Variants in RBM26 observed in about 807,000 individuals in gnomAD.
The protein encoded by RBM26 is RNA-binding protein 26.
RBM26 carries 30 observed loss-of-function variants against 123.6 expected under a neutral mutation model. That is an observed-to-expected ratio of 0.24 (90% CI 0.18 to 0.33). The LOEUF (loss-of-function observed/expected upper bound fraction) is 0.33. Among genes scored for constraint, RBM26 ranks in the 10% least tolerant of loss-of-function variants. The pLI is 1.00. For synonymous variants in RBM26, 400 were observed against 404.4 expected (o/e 0.99, Z 0.13); for missense variants, 947 against 1,203.6 (o/e 0.79, Z 3.15).
intron 5 of RBM26, among the ~76,000 whole-genome samples, chr13:79,369,653 G>T (rs1476149828): frequency 1.3e-5 from 2 of 152,156 alleles, no homozygotes; most frequent in African/African-American, 4.8e-5. Context: ...GTGCTTTACT[G>T]AAAAGTGTTT....
intron 8 of RBM26, 126 bp downstream of exon 8, chr13:79,365,925 GTTCA>G (rs1348528289): frequency 1.0e-6 from 1 of 998,286 alleles, no homozygotes; most frequent in African/African-American, 1.6e-5. Flanking sequence ...CTTATTTAAT[GTTCA>G]TTCACCACGG....
chr13:79,390,991 C>T (rs1364582346), intron 1 of RBM26, among the ~76,000 whole-genome samples: 1 of 151,992 alleles, frequency 6.6e-6, no homozygotes, highest in Admixed American at 6.6e-5. Flanking sequence ...ATCTCAAATC[C>T]CTGGGAAAAC....
rs746490831 is a variant in RBM26, at chr13:79,365,548, A to C, written c.1417+30T>G. On this transcript the variant is annotated intron_variant, in intron 9 of 21. Coordinates refer to ENST00000438737, the MANE Select transcript of RBM26 (RefSeq NM_001366735.2). Reference sequence around the variant, plus strand: ...TTTTCCCACTGTTTATATTATGAAAATGACAGGAAGGAAAGATTAATTATA... The same window carrying C: ...TTTTCCCACTGTTTATATTATGAAACTGACAGGAAGGAAAGATTAATTATA... 2.5e-6 allele frequency: 4 copies of C among 1,572,824 alleles called. No individual in the cohort carries two copies. The East Asian group carries it at 9.0e-5, about 35-fold the overall frequency.
intron 20 of RBM26, among the ~76,000 whole-genome samples, chr13:79,329,844 G>A (rs773904889): frequency 3.3e-5 from 5 of 152,078 alleles, no homozygotes; most frequent in Non-Finnish European, 7.4e-5. Context: ...TGTGATAGTA[G>A]TACTGTATTT....
intron 14 of RBM26, among the ~76,000 whole-genome samples, chr13:79,349,677 A>G (rs996729067): frequency 1.1e-4 from 17 of 151,376 alleles, no homozygotes; most frequent in Non-Finnish European, 2.1e-4. Flanking sequence ...AACAGTTAAG[A>G]AAAAAAAACT....
intron 17 of RBM26, among the ~76,000 whole-genome samples, chr13:79,341,997 T>A (rs1594109791): frequency 6.6e-6 from 1 of 151,894 alleles, no homozygotes; most frequent in East Asian, 1.9e-4. Context: ...GAAGTGGTAT[T>A]GTTGTAGCAA....
chr13:79,348,064 A>T (rs967930390), intron 14 of RBM26, among the ~76,000 whole-genome samples: 2 of 152,046 alleles, frequency 1.3e-5, no homozygotes, highest in Admixed American at 6.6e-5. Flanking sequence ...CATCAATTAA[A>T]CTGATTTTTC....
chr13:79,351,819 A>T (rs933425530), intron 14 of RBM26, among the ~76,000 whole-genome samples: 4 of 152,164 alleles, frequency 2.6e-5, no homozygotes, highest in African/African-American at 4.8e-5. Flanking sequence ...TAATGAATTA[A>T]CGCCAAAATA....
At chr13:79,399,080 T>G (rs114162447) in intron 1 of RBM26, among the ~76,000 whole-genome samples, 3 of 152,166 alleles carry the variant, frequency 2.0e-5, no homozygotes, top group Admixed American at 6.5e-5. Context: ...GTGATGAGTG[T>G]CATGACAACT....
intron 13 of RBM26, 100 bp from the exon 14 acceptor site, chr13:79,353,324 T>C: frequency 1.6e-6 from 1 of 611,358 alleles, no homozygotes; most frequent in Non-Finnish European, 2.7e-6. Context: ...ACAGAGTCTA[T>C]GAGTATACCA....
rs114013663 is a variant in RBM26 at position 79,332,024 on chromosome 13, C to G, written c.2820+2320G>C. Among the ~76,000 whole-genome samples the G allele has an allele frequency of 3.4e-3, 522 of 152,272 alleles. 4 individuals carry two copies. The highest frequency in any genetic ancestry group is 0.012 in the African/African-American group (503 of 41,566). ...TATTTTTCCTGAGGAAAACTTCTCA[C>G]TTTTCAGTTATATCTGAATGTCTCA... On this transcript the variant is annotated intron_variant, in intron 20 of 21. Transcript: ENST00000438737.
chr13:79,318,109 G>A (rs940500094), downstream of RBM26, among the ~76,000 whole-genome samples: 5 of 151,282 alleles, frequency 3.3e-5, no homozygotes, highest in Non-Finnish European at 7.4e-5. Context: ...TAAAAGGGAG[G>A]GTATAAGTAT....
intron 20 of RBM26, among the ~76,000 whole-genome samples, chr13:79,323,830 C>A (rs771172974): frequency 5.3e-5 from 8 of 151,662 alleles, no homozygotes; most frequent in Non-Finnish European, 1.0e-4. Flanking sequence ...TGCTCCATTA[C>A]AAACTTGAGA....
chr13:79,332,725 T>C (rs1003158264), intron 20 of RBM26, among the ~76,000 whole-genome samples: 4 of 152,158 alleles, frequency 2.6e-5, no homozygotes, highest in African/African-American at 9.7e-5. Context: ...GTCTTCCTTA[T>C]ACATTAATCC....
At chr13:79,364,380 C>T (rs1241513027) in intron 9 of RBM26, among the ~76,000 whole-genome samples, 1 of 152,144 alleles carries the variant, frequency 6.6e-6, no homozygotes, top group Non-Finnish European at 1.5e-5. Flanking sequence ...TTACCAAACT[C>T]CATTAGGCAC....
At chr13:79,363,653 G>C (rs889730980) in intron 9 of RBM26, among the ~76,000 whole-genome samples, 3 of 152,108 alleles carry the variant, frequency 2.0e-5, no homozygotes, top group African/African-American at 7.2e-5. Flanking sequence ...TCTCTCAACA[G>C]GATCACTTTC....
intron 1 of RBM26, among the ~76,000 whole-genome samples, chr13:79,403,295 TC>T (rs2079208564): frequency 6.6e-6 from 1 of 152,064 alleles, no homozygotes. Flanking sequence ...CAATTACAAT[TC>T]CCAGTGTCTA....
chr13:79,332,782 C>T (rs929191500), intron 20 of RBM26, among the ~76,000 whole-genome samples: 1 of 152,044 alleles, frequency 6.6e-6, no homozygotes. Context: ...ATTGTATACA[C>T]GCCTAAGGTA....
chr13:79,398,111 G>C (rs980445838), intron 1 of RBM26, among the ~76,000 whole-genome samples: 1 of 152,170 alleles, frequency 6.6e-6, no homozygotes, highest in Non-Finnish European at 1.5e-5. Context: ...CAGAAATAAA[G>C]TAGTAGGAGA....
Sources: allele counts gnomAD v4.1 joint callset (sites outside exome capture counted in the v4.1 genomes callset), GRCh38; gene constraint gnomAD v4.1.1; transcripts MANE v1.5; gene names NCBI Gene and HGNC (gene_info 2026-07-23, HGNC 2026-07-21).